Variants in NCAM2 observed in about 807,000 individuals in gnomAD.
NCAM2 encodes N-CAM-2.
In NCAM2, 30 loss-of-function variants were observed where a neutral mutation model predicts 98.1. The observed-to-expected ratio is 0.31, with a 90% CI of 0.23 to 0.41. The LOEUF is 0.41. NCAM2 is among the 10% of genes least tolerant of loss of function. The probability of loss-of-function intolerance (pLI) is 1.00; values close to 1 mark genes in which losing one functional copy is unlikely to be tolerated. For synonymous variants in NCAM2, 368 were observed against 342.4 expected, an observed-to-expected ratio of 1.07 and a Z score of -0.83; for missense variants, 867 against 1,005.8, an observed-to-expected ratio of 0.86 and a Z score of 1.87.
chr21:21,088,884 A>T (rs994756571), intron 1 of NCAM2, among the ~76,000 whole-genome samples: 2 of 151,732 alleles, frequency 1.3e-5, no homozygotes, highest in Non-Finnish European at 2.9e-5. Flanking sequence ...AGGCAGGAGA[A>T]TGGCTTGAAC....
chr21:21,272,315 C>T (rs2072531138), intron 1 of NCAM2, among the ~76,000 whole-genome samples: 1 of 152,162 alleles, frequency 6.6e-6, no homozygotes, highest in Admixed American at 6.5e-5. Context: ...ATTGAGGTCA[C>T]TAGTGTTGGA....
At chr21:21,537,564 T>C (rs1055292098) in intron 17 of NCAM2, among the ~76,000 whole-genome samples, 1 of 152,190 alleles carries the variant, frequency 6.6e-6, no homozygotes, top group Admixed American at 6.6e-5. Flanking sequence ...ACAAATATAT[T>C]GTTTCATTCA....
intron 1 of NCAM2, among the ~76,000 whole-genome samples, chr21:21,031,771 C>A (rs1347922496): frequency 2.0e-5 from 3 of 150,598 alleles, no homozygotes; most frequent in Non-Finnish European, 2.9e-5. Flanking sequence ...TTGTCTCTCT[C>A]GATATATCTC....
intron 1 of NCAM2, among the ~76,000 whole-genome samples, chr21:21,161,715 A>G (rs1481474893): frequency 6.6e-6 from 1 of 152,028 alleles, no homozygotes. Flanking sequence ...ATATGTATAT[A>G]TATCTATTAG....
At chr21:21,106,477 A>C (rs1041575111) in intron 1 of NCAM2, among the ~76,000 whole-genome samples, 1 of 152,012 alleles carries the variant, frequency 6.6e-6, no homozygotes, top group East Asian at 1.9e-4. Context: ...TGTAAAATAT[A>C]AAAAAGCTAA....
At chr21:21,472,339 T>G (rs1031754774) in intron 14 of NCAM2, among the ~76,000 whole-genome samples, 1 of 152,112 alleles carries the variant, frequency 6.6e-6, no homozygotes, top group African/African-American at 2.4e-5. Flanking sequence ...GAAAGGTAAG[T>G]TTGAAAAGGG....
chr21:21,012,355 C>G (rs2064227356), intron 1 of NCAM2, among the ~76,000 whole-genome samples: 1 of 152,008 alleles, frequency 6.6e-6, no homozygotes, highest in Non-Finnish European at 1.5e-5. Context: ...TTGTGAATCA[C>G]TACAATGATC....
intron 15 of NCAM2, among the ~76,000 whole-genome samples, chr21:21,483,683 T>TA (rs1986095281): frequency 6.6e-6 from 1 of 152,124 alleles, no homozygotes; most frequent in Admixed American, 6.5e-5. Flanking sequence ...AACTTCATCT[T>TA]AACCCTCTGG....
In NCAM2 at chr21:21,354,206, C is replaced by T. The variant is rs560725602; in HGVS notation, c.1044+15672C>T. Among the ~76,000 whole-genome samples the T allele has an allele frequency of 2.6e-5, 4 of 152,242 alleles. No homozygotes were observed. In the South Asian group the frequency reaches 6.2e-4, roughly 24 times the overall value. ...CTATAATTACTTTATTCCTGTTATACTTCTCCTACGTAGTATAGACCTACA... is the reference window on the plus strand; with the variant it reads ...CTATAATTACTTTATTCCTGTTATATTTCTCCTACGTAGTATAGACCTACA... On this transcript the variant is annotated intron_variant, in intron 8 of 17. Transcript: ENST00000400546.
At chr21:21,501,332 C>A (rs529259741) in intron 15 of NCAM2, among the ~76,000 whole-genome samples, 1 of 151,778 alleles carries the variant, frequency 6.6e-6, no homozygotes, top group African/African-American at 2.4e-5. Context: ...TCTTCCATAA[C>A]GCAAAATTTT....
chr21:21,156,602 A>AGAT (rs1491416313), intron 1 of NCAM2, among the ~76,000 whole-genome samples: 1 of 151,760 alleles, frequency 6.6e-6, no homozygotes, highest in Non-Finnish European at 1.5e-5. Context: ...ATAGATAGAT[A>AGAT]GATAGATAGA....
At chr21:21,069,517 C>A (rs1276319741) in intron 1 of NCAM2, among the ~76,000 whole-genome samples, 2 of 152,164 alleles carry the variant, frequency 1.3e-5, no homozygotes, top group African/African-American at 4.8e-5. Context: ...AGTAATACCT[C>A]TTTGCCACAG....
chr21:21,080,518 A>G (rs918451393), intron 1 of NCAM2, among the ~76,000 whole-genome samples: 1 of 151,780 alleles, frequency 6.6e-6, no homozygotes, highest in African/African-American at 2.4e-5. Context: ...TGGGAAGCTG[A>G]GGCAAGAGAA....
chr21:21,288,152 G>A (rs1056953644), intron 4 of NCAM2, among the ~76,000 whole-genome samples: 6 of 151,856 alleles, frequency 4.0e-5, no homozygotes, highest in Non-Finnish European at 8.8e-5. Flanking sequence ...GTACATGGTT[G>A]CTATACAGTA....
At chr21:21,335,456 A>C (rs768257549) in intron 6 of NCAM2, 49 bp from the exon 7 acceptor site, 1 of 1,487,330 alleles carries the variant, frequency 6.7e-7, no homozygotes, top group Non-Finnish European at 9.0e-7. Context: ...AAAATCTACT[A>C]AATTATAAAG....
At chr21:21,443,333 G>A (rs888669085) in intron 12 of NCAM2, among the ~76,000 whole-genome samples, 2 of 152,080 alleles carry the variant, frequency 1.3e-5, no homozygotes, top group African/African-American at 2.4e-5. Context: ...TAAATGACGA[G>A]TTGATGGGTG....
At chr21:21,272,211 G>A (rs1450500103) in intron 1 of NCAM2, among the ~76,000 whole-genome samples, 1 of 152,104 alleles carries the variant, frequency 6.6e-6, no homozygotes, top group Non-Finnish European at 1.5e-5. Context: ...AATCAATGCT[G>A]ATCACATTTT....
rs775583785 is a variant in NCAM2 at position 21,466,629 on chromosome 21, G to A, written c.1678G>A (p.Glu560Lys). The A allele has an allele frequency of 3.1e-6, 5 of 1,604,148 alleles. No individual in the cohort carries two copies. The Admixed American group carries it at 5.1e-5, about 16-fold the overall frequency. The change falls in exon 13 of 18, where the codon GAA (glutamate) becomes AAA (lysine). Residue 560 changes from glutamate (E) to lysine (K), a missense_variant. Physicochemically the swap from Glu to Lys is moderately conservative, Grantham distance 56 (BLOSUM62 1). Coordinates refer to ENST00000400546, the MANE Select transcript of NCAM2 (RefSeq NM_004540.5). ...AGCAATGGTTGTTTTGAACAACCTG[G>A]AACCAAATACAACTTATGAAATCAG... ...VQTMVVLNNLEPNTTYEIRVA... is the reference protein window; with the variant it reads ...VQTMVVLNNLKPNTTYEIRVA...
At chr21:21,445,545 A>G (rs1305123346) in intron 12 of NCAM2, among the ~76,000 whole-genome samples, 2 of 152,194 alleles carry the variant, frequency 1.3e-5, no homozygotes, top group African/African-American at 4.8e-5. Flanking sequence ...TATTTAGCAT[A>G]GTTAGCTCTT....
Sources: gnomAD v4.1 joint callset for allele counts (sites outside exome capture counted in the v4.1 genomes callset) on GRCh38, gnomAD v4.1.1 for gene constraint, MANE v1.5 for transcripts, NCBI Gene and HGNC (gene_info 2026-07-23, HGNC 2026-07-21) for gene names.